Variants in CCDC102B observed in about 807,000 individuals in gnomAD.
CCDC102B encodes the protein coiled-coil domain-containing protein 102B.
Under a neutral mutation model 57.4 loss-of-function variants are expected in CCDC102B, and 75 were observed. The observed-to-expected ratio is 1.31, with a 90% CI of 1.08 to 1.58. The LOEUF is 1.58. CCDC102B is among the 40% of genes most tolerant of loss of function. The pLI is 0.00. For missense variants in CCDC102B, 636 were observed against 582.6 expected (o/e 1.09, Z -0.94); for synonymous variants, 206 against 201.9 (o/e 1.02, Z -0.17).
At chr18:68,786,356 C>G (rs2035211580) in intron 2 of CCDC102B, among the ~76,000 whole-genome samples, 1 of 137,874 alleles carries the variant, frequency 7.3e-6, no homozygotes, top group Non-Finnish European at 1.6e-5. Flanking sequence ...TTTTCCAATT[C>G]TGTGAAGAAA....
intron 5 of CCDC102B, among the ~76,000 whole-genome samples, chr18:68,891,615 G>T (rs1646217897): frequency 6.6e-6 from 1 of 152,200 alleles, no homozygotes; most frequent in South Asian, 2.1e-4. Context: ...CTGGAGGATG[G>T]AAGTCCATGA....
At chr18:69,038,762 TCA>T (rs977063881) in intron 7 of CCDC102B, among the ~76,000 whole-genome samples, 1 of 151,922 alleles carries the variant, frequency 6.6e-6, no homozygotes, top group African/African-American at 2.4e-5. Context: ...ACACAAGCAT[TCA>T]CACACAGACA....
intron 6 of CCDC102B, among the ~76,000 whole-genome samples, chr18:68,959,797 C>T (rs931452757): frequency 3.9e-5 from 6 of 152,038 alleles, no homozygotes; most frequent in Non-Finnish European, 8.8e-5. Flanking sequence ...GTGTGTATTA[C>T]CAAGATACTG....
intron 6 of CCDC102B, among the ~76,000 whole-genome samples, chr18:68,981,450 A>T (rs1599789591): frequency 6.6e-6 from 1 of 152,100 alleles, no homozygotes; most frequent in Admixed American, 6.6e-5. Context: ...TTGGCTTGGG[A>T]ATGTTAGAAT....
At chr18:68,918,017 C>G (rs1161150761) in intron 6 of CCDC102B, among the ~76,000 whole-genome samples, 1 of 148,976 alleles carries the variant, frequency 6.7e-6, no homozygotes, top group African/African-American at 2.4e-5. Flanking sequence ...TTTACTCTCT[C>G]TTCACACATG....
At chr18:69,020,877 C>A (rs552790362) in intron 7 of CCDC102B, among the ~76,000 whole-genome samples, 49 of 152,244 alleles carry the variant, frequency 3.2e-4, no homozygotes, top group Admixed American at 8.5e-4. Context: ...TAGTGTAATA[C>A]ATCTTCTAGA....
intron 2 of CCDC102B, among the ~76,000 whole-genome samples, chr18:68,792,410 G>A (rs1490570739): frequency 2.6e-5 from 4 of 152,152 alleles, no homozygotes; most frequent in Non-Finnish European, 4.4e-5. Context: ...AGGTAGCAAC[G>A]TAAGTTATAC....
intron 6 of CCDC102B, among the ~76,000 whole-genome samples, chr18:68,902,852 A>G (rs2040501206): frequency 1.3e-5 from 2 of 152,194 alleles, no homozygotes; most frequent in South Asian, 2.1e-4. Flanking sequence ...TTGTGAGATC[A>G]TTTGATTAGT....
At chr18:68,790,262 AG>A (rs2035390479) in intron 2 of CCDC102B, among the ~76,000 whole-genome samples, 1 of 151,768 alleles carries the variant, frequency 6.6e-6, no homozygotes, top group Non-Finnish European at 1.5e-5. Flanking sequence ...TTAAGTCTGC[AG>A]AGGTTACTGC....
rs766199097 is a variant in CCDC102B at position 69,011,169 on chromosome 18, G to A, written c.1434+65G>A. On this transcript the variant is annotated intron_variant, in intron 7 of 7. Coordinates refer to ENST00000360242, the MANE Select transcript of CCDC102B (RefSeq NM_024781.3). ...AATAGTATTTTAGAGCATATCTAAA[G>A]ATTGTCTCCCTTATTAACATATGGC... 3 of 1,362,110 alleles carry A rather than the reference G, an allele frequency of 2.2e-6. No homozygotes were observed. The Admixed American group carries it at 6.5e-5, about 29-fold the overall frequency. The allele number at this position is 1,362,110 out of a possible 1,614,324, so 84.4% of individuals were successfully genotyped here. A position where few individuals can be genotyped will look rare whatever the true frequency, so the allele number is the denominator to read the frequency against.
intron 1 of CCDC102B, chr18:68,716,512 T>A (rs923553367): frequency 6.6e-6 from 1 of 152,090 alleles, no homozygotes; most frequent in Non-Finnish European, 1.5e-5. Flanking sequence ...TGAATATTTA[T>A]TTTTTTTAAT....
chr18:68,889,485 T>A (rs1215030084), intron 5 of CCDC102B, among the ~76,000 whole-genome samples: 1 of 152,178 alleles, frequency 6.6e-6, no homozygotes, highest in Non-Finnish European at 1.5e-5. Flanking sequence ...AATGGTGCAG[T>A]CTCAGCTCAC....
At chr18:68,867,343 A>G (rs1248651126) in intron 4 of CCDC102B, among the ~76,000 whole-genome samples, 2 of 152,154 alleles carry the variant, frequency 1.3e-5, no homozygotes, top group East Asian at 3.9e-4. Context: ...TTTCCTGCCC[A>G]CAGCTTGCCT....
chr18:68,837,130 C>G lies in CCDC102B; in HGVS notation c.367C>G (p.Leu123Val). ...RNSAREEGRQ[L>V]RIKLEMAMKE... The stretch of plus-strand genomic sequence containing the variant: ...CAGTGCCAGGGAGGAAGGAAGACAA[C>G]TCAGAATAAAACTAGAGATGGCGAT... The change falls in exon 2 of 8, where the codon CTC (leucine) becomes GTC (valine). Residue 123 changes from leucine (L) to valine (V), a missense_variant. Coordinates refer to ENST00000360242, the MANE Select transcript of CCDC102B (RefSeq NM_024781.3). 1 of 1,614,012 alleles carries G rather than the reference C, an allele frequency of 6.2e-7. No homozygotes were observed. The highest frequency in any genetic ancestry group is 8.5e-7 in the Non-Finnish European group (1 of 1,179,964).
chr18:68,773,837 A>G (rs2034722758), intron 2 of CCDC102B, among the ~76,000 whole-genome samples: 1 of 152,048 alleles, frequency 6.6e-6, no homozygotes, highest in South Asian at 2.1e-4. Context: ...TTGAACAATG[A>G]AAACAATAAT....
chr18:68,760,393 T>C lies in CCDC102B; in HGVS notation c.-67+43799T>C, dbSNP rs964303815. ...GAACACAGTTAATTACATGACTCAG[T>C]AGGTGTAAGATAAAAATAAACCTGC... On this transcript the variant is annotated intron_variant, in intron 2 of 3. Transcript: ENST00000578970. Among the ~76,000 whole-genome samples, 6 of 152,126 alleles carry C rather than the reference T, an allele frequency of 3.9e-5. No homozygotes were observed. In the South Asian group the frequency reaches 8.3e-4, roughly 21 times the overall value.
chr18:68,950,880 G>A (rs2145195638), intron 6 of CCDC102B, among the ~76,000 whole-genome samples: 1 of 152,132 alleles, frequency 6.6e-6, no homozygotes, highest in Admixed American at 6.6e-5. Flanking sequence ...AATTAAACGT[G>A]ACAATGACAA....
intron 6 of CCDC102B, among the ~76,000 whole-genome samples, chr18:68,926,559 G>C (rs1174909207): frequency 1.3e-5 from 2 of 151,820 alleles, no homozygotes; most frequent in East Asian, 3.9e-4. Context: ...AGACATAATT[G>C]TTCAATTGAC....
rs142737173 is a variant in CCDC102B at position 68,999,368 on chromosome 18, G to A, written c.1264-11566G>A. On this transcript the variant is annotated intron_variant, in intron 6 of 7. Transcript: ENST00000360242. ...TCCCAGCACTTTGGGAGGCTGAGGC[G>A]GATGGATCACTTGAGGCCAGGAGTT... is the stretch of plus-strand genomic sequence containing the variant. Among the ~76,000 whole-genome samples, 462 of 151,732 alleles carry A rather than the reference G, an allele frequency of 3.0e-3. 5 individuals are homozygous for A. The highest frequency in any genetic ancestry group is 0.011 in the African/African-American group (442 of 41,334).
Sources: allele counts gnomAD v4.1 joint callset (sites outside exome capture counted in the v4.1 genomes callset), GRCh38; gene constraint gnomAD v4.1.1; transcripts MANE v1.5; gene names NCBI Gene and HGNC (gene_info 2026-07-23, HGNC 2026-07-21).